The following NOC2L variants were observed in gnomAD, a reference collection of about 807,000 sequenced individuals.
The protein encoded by NOC2L is nucleolar complex protein 2 homolog.
Under a neutral mutation model 94.2 loss-of-function variants are expected in NOC2L, and 101 were observed. That is an observed-to-expected ratio of 1.07 (90% CI 0.91 to 1.26). NOC2L has a LOEUF of 1.26. Ranked by LOEUF, NOC2L falls within the 50% of genes most tolerant of loss-of-function variation. The pLI, the probability that NOC2L is intolerant of heterozygous loss-of-function variation, is 0.00. For missense variants in NOC2L, 1,076 were observed against 980.1 expected (o/e 1.10, Z -1.31); for synonymous variants, 531 against 413.4 (o/e 1.28, Z -3.45).
At chr1:952,312 G>T in intron 10 of NOC2L, 100 bp downstream of exon 10, 1 of 1,484,348 alleles carries the variant, frequency 6.7e-7, no homozygotes. Context: ...GCTGTCTCCA[G>T]ACAGGGGCTT....
chr1:958,747 A>C lies in NOC2L; in HGVS notation c.179+182T>G, dbSNP rs747440458. The C allele has an allele frequency of 2.9e-5, 21 of 727,030 alleles. No homozygotes were observed. The South Asian group carries it at 3.0e-4, about 10-fold the overall frequency. 45.0% of individuals were successfully genotyped at this position (727,030 alleles called of 1,614,324 possible). A position where few individuals can be genotyped will look rare whatever the true frequency, so the allele number is the denominator to read the frequency against. On this transcript the variant is annotated intron_variant, in intron 2 of 18. Coordinates refer to ENST00000327044, the MANE Select transcript of NOC2L (RefSeq NM_015658.4). ...AACATACGCTCCCTGCCTAGGACAG[A>C]GTTTGGCACGGAACAGGAGCTCAGT...
Position 951,215 on chromosome 1 carries a change from T to C in NOC2L, c.1355A>G (p.Tyr452Cys), listed in dbSNP as rs925638066. The C allele has an allele frequency of 1.3e-6, 2 of 1,590,424 alleles. No homozygotes were observed. Among genetic ancestry groups the C allele is most frequent in the Non-Finnish European group, 1.7e-6 (2 of 1,168,826 alleles). The change falls in exon 12 of 19, where the codon TAC becomes TGC. Residue 452 changes from tyrosine to cysteine, a missense_variant. By Grantham distance (194) the Tyr-to-Cys change is radical (BLOSUM62 -2). Transcript: ENST00000327044. ...ACGGATGCAGTGCATTCGCAGCGGG[T>C]AGAAGCGGGCAGTGGGGATGAGCCT... Reference protein sequence around the residue: ...CIKLIPTARFYPLRMHCIRAL... With the variant: ...CIKLIPTARFCPLRMHCIRAL...
intron 2 of NOC2L, 136 bp from the exon 3 acceptor site, chr1:957,409 C>G: frequency 1.3e-6 from 1 of 788,088 alleles, no homozygotes; most frequent in Non-Finnish European, 2.0e-6. Context: ...ACGTTTTTGG[C>G]AGACTCACGT....
At chr1:944,937 C>G in intron 18 of NOC2L, 120 bp downstream of exon 18, 1 of 1,522,852 alleles carries the variant, frequency 6.6e-7, no homozygotes, top group Non-Finnish European at 9.0e-7. Flanking sequence ...GAGCATTTGG[C>G]CTGGCCTTCC....
rs555113302 is a variant in NOC2L, at chr1:948,111, G to C, written c.1659+20C>G. ...AGACAGTCTGAGTCGGCCACGAGCC[G>C]GTGTGGGCAGGACACACACCTGCAG... On this transcript the variant is annotated intron_variant, in intron 14 of 18. Coordinates refer to ENST00000327044, the MANE Select transcript of NOC2L (RefSeq NM_015658.4). 734 of 1,556,824 alleles carry C rather than the reference G, an allele frequency of 4.7e-4. 10 individuals carry two copies. In the South Asian group the frequency reaches 8.2e-3, roughly 17 times the overall value.
At position 951,114 on chromosome 1, in the gene NOC2L, C is replaced by T. The variant is rs772480133; in HGVS notation, c.1443+13G>A. 5 of 1,556,252 alleles carry T rather than the reference C, an allele frequency of 3.2e-6. No individual in the cohort carries two copies. In the East Asian group the frequency reaches 9.6e-5, roughly 30 times the overall value. Reference sequence around the variant, plus strand: ...AGGCAGAGGTGCCACACGCCCACCACAGCCTCACTCACCTCCAGGATGAAA... The same window carrying T: ...AGGCAGAGGTGCCACACGCCCACCATAGCCTCACTCACCTCCAGGATGAAA... On this transcript the variant is annotated intron_variant, in intron 12 of 18. Coordinates refer to ENST00000327044, the MANE Select transcript of NOC2L (RefSeq NM_015658.4).
chr1:948,350 G>C (rs547254014), intron 13 of NOC2L, 118 bp from the exon 14 acceptor site: 2 of 1,052,938 alleles, frequency 1.9e-6, no homozygotes, highest in Admixed American at 4.1e-5. Context: ...TGCAAGGAAG[G>C]GGCTCCTGGG....
At chr1:951,097 G>T in intron 12 of NOC2L, 30 bp downstream of exon 12, 1 of 1,495,272 alleles carries the variant, frequency 6.7e-7, no homozygotes, top group South Asian at 1.2e-5. Flanking sequence ...GCAGGCAGAG[G>T]TGCCACACGC....
chr1:955,901 C>T lies in NOC2L; in HGVS notation c.698+22G>A. Reference sequence around the variant, plus strand: ...CCCGACCCACCTTCCACCCTACCCCCCTTCACCCCCTCCCCTCTTACCTGC... The same window carrying T: ...CCCGACCCACCTTCCACCCTACCCCTCTTCACCCCCTCCCCTCTTACCTGC... On this transcript the variant is annotated intron_variant, in intron 6 of 18. Coordinates refer to ENST00000327044, the MANE Select transcript of NOC2L (RefSeq NM_015658.4). The T allele has an allele frequency of 2.5e-6, 4 of 1,583,386 alleles. No individual in the cohort carries two copies. In the East Asian group the frequency reaches 6.7e-5, roughly 27 times the overall value.
intron 11 of NOC2L, among the ~76,000 whole-genome samples, 154 bp downstream of exon 11, chr1:951,846 G>A (rs964892361): frequency 3.9e-5 from 6 of 152,162 alleles, no homozygotes; most frequent in Non-Finnish European, 5.9e-5. Flanking sequence ...GCATCTCCCC[G>A]TAGCAGGTAC....
Position 946,452 on chromosome 1 carries a change from A to T in NOC2L, c.1753T>A (p.Cys585Ser). Residue 585 changes from cysteine (C) to serine (S), a missense_variant, in exon 15 of 19, where the codon TGC (cysteine) becomes AGC (serine). Transcript: ENST00000327044. The stretch of plus-strand genomic sequence containing the variant: ...AAGGAAACCCTCTGGCGGCGGCTGC[A>T]GATGTATGCCGAGTTCTCCTGAACC... ...GKVQENSAYI[C>S]SRRQRVSFGV... The T allele has an allele frequency of 1.9e-6, 3 of 1,613,352 alleles. No homozygotes were observed. The Middle Eastern group carries it at 4.9e-4, about 266-fold the overall frequency.
intron 11 of NOC2L, 119 bp from the exon 12 acceptor site, chr1:951,357 G>A (rs1049871993): frequency 5.2e-6 from 4 of 775,492 alleles, no homozygotes; most frequent in Non-Finnish European, 8.8e-6. Context: ...GCAGGACAAG[G>A]CACGTCTGAA....
At position 948,124 on chromosome 1, in the gene NOC2L, C is replaced by A. The variant is rs1408480910; in HGVS notation, c.1659+7G>T. 3 of 1,575,786 alleles carry A rather than the reference C, an allele frequency of 1.9e-6. No homozygotes were observed. The highest frequency in any genetic ancestry group is 4.6e-5 in the East Asian group (2 of 43,096). ...CGGCCACGAGCCGGTGTGGGCAGGA[C>A]ACACACCTGCAGGACCACAGGCAGC... On this transcript the variant is annotated splice_region_variant and intron_variant, in intron 14 of 18. Coordinates refer to ENST00000327044, the MANE Select transcript of NOC2L (RefSeq NM_015658.4).
intron 14 of NOC2L, 72 bp from the exon 15 acceptor site, chr1:946,617 A>C (rs1642125864): frequency 5.1e-6 from 8 of 1,561,030 alleles, no homozygotes; most frequent in Non-Finnish European, 7.0e-6. Flanking sequence ...GGTCCTGTGC[A>C]AAACCACGCG....
In NOC2L at chr1:957,159, G is replaced by A. The variant is rs193262350; in HGVS notation, c.294C>T (p.Ser98=). ...QENDQSLLNF[S]DSDSSEEEEG... The stretch of plus-strand genomic sequence containing the variant: ...CTTCCTCCTCAGAGCTGTCCGAGTC[G>A]CTGAAGTTTAGCAGGCTCTGGTCAT... The change falls in exon 3 of 19, where the codon AGC becomes AGT. Residue 98 remains serine (S), a synonymous_variant. Transcript: ENST00000327044. The A allele has an allele frequency of 5.8e-5, 93 of 1,613,932 alleles. 1 individual carries two copies. In the Admixed American group the frequency reaches 1.0e-3, roughly 17 times the overall value.
chr1:958,360 C>T, intron 2 of NOC2L: 3 of 271,830 alleles, frequency 1.1e-5, no homozygotes, highest in South Asian at 1.0e-4. Flanking sequence ...TCAAGCGATT[C>T]TCCTGCCTCA....
At chr1:949,444 G>A (rs1642196432) in intron 12 of NOC2L, among the ~76,000 whole-genome samples, 1 of 152,208 alleles carries the variant, frequency 6.6e-6, no homozygotes, top group Non-Finnish European at 1.5e-5. Flanking sequence ...CAAAAGTATG[G>A]GCAGGCGACT....
chr1:950,223 C>T (rs1274781309), intron 12 of NOC2L, among the ~76,000 whole-genome samples: 1 of 151,488 alleles, frequency 6.6e-6, no homozygotes, highest in East Asian at 1.9e-4. Flanking sequence ...TACACACGCA[C>T]AGTACACACA....
At position 944,531 on chromosome 1, in the gene NOC2L, G is replaced by C. The variant is rs143853699; in HGVS notation, c.*163C>G. On this transcript the variant is annotated 3_prime_UTR_variant, in exon 19 of 19. Transcript: ENST00000327044. ...ACCAGCCCAGCCCAGCCCAGCTCTC[G>C]ATACGTTTGGTCTTTCATGCTGAAA... The C allele has an allele frequency of 9.6e-6, 6 of 624,112 alleles. No homozygotes were observed. The highest frequency in any genetic ancestry group is 2.0e-5 in the South Asian group (1 of 49,440). The allele number at this position is 624,112 out of a possible 1,614,324, so 38.7% of individuals were successfully genotyped here.
Sources: gnomAD v4.1 joint callset for allele counts (sites outside exome capture counted in the v4.1 genomes callset) on GRCh38, gnomAD v4.1.1 for gene constraint, MANE v1.5 for transcripts, NCBI Gene and HGNC (gene_info 2026-07-23, HGNC 2026-07-21) for gene names.